The following GALNTL6 variants were observed in gnomAD, a reference collection of about 807,000 sequenced individuals.
GALNTL6 encodes the protein polypeptide N-acetylgalactosaminyltransferase-like 6.
GALNTL6 carries 46 observed loss-of-function variants against 73.7 expected under a neutral mutation model. That is an observed-to-expected ratio of 0.62 (90% CI 0.49 to 0.80). GALNTL6 has a LOEUF of 0.80. Among genes scored for constraint, GALNTL6 ranks in the 30% least tolerant of loss-of-function variants. The pLI is 0.00. For synonymous variants in GALNTL6, 259 were observed against 263.7 expected, an observed-to-expected ratio of 0.98 and a Z score of 0.17; for missense variants, 604 against 755.0, an observed-to-expected ratio of 0.80 and a Z score of 2.34.
At chr4:172,434,718 A>G (rs1731572366) in intron 5 of GALNTL6, among the ~76,000 whole-genome samples, 1 of 152,150 alleles carries the variant, frequency 6.6e-6, no homozygotes. Context: ...GGCAATCACA[A>G]AGAAAAAAAA....
chr4:172,705,251 C>T (rs1734271861), intron 5 of GALNTL6, among the ~76,000 whole-genome samples: 2 of 149,666 alleles, frequency 1.3e-5, no homozygotes, highest in Non-Finnish European at 3.0e-5. Flanking sequence ...TAGCTCCTCT[C>T]ATTCTTCTTT....
chr4:171,971,374 G>C (rs1739564564), intron 2 of GALNTL6, among the ~76,000 whole-genome samples: 1 of 152,170 alleles, frequency 6.6e-6, no homozygotes. Context: ...AGACAGTCCA[G>C]TAACAGTAAA....
chr4:172,702,304 A>C (rs1479462983), intron 5 of GALNTL6, among the ~76,000 whole-genome samples: 1 of 152,048 alleles, frequency 6.6e-6, no homozygotes, highest in Non-Finnish European at 1.5e-5. Flanking sequence ...CTCAATATTT[A>C]TGCCTTCATT....
At position 172,809,312 on chromosome 4, in the gene GALNTL6, G is replaced by A; in HGVS notation, c.554-49G>A. On this transcript the variant is annotated intron_variant, in intron 5 of 12. Coordinates refer to ENST00000506823, the MANE Select transcript of GALNTL6 (RefSeq NM_001034845.3). The surrounding 1 kb of genome is among the most constrained non-coding windows in gnomAD (Gnocchi z 4.4). ...ACAAACAACCGTGAATAATTCAGCT[G>A]CAACTAATGTTTTGCGTTTTTTCTA... is the stretch of plus-strand genomic sequence containing the variant. 6.9e-7 allele frequency: 1 copy of A among 1,443,124 alleles called. No homozygotes were observed. Among genetic ancestry groups the A allele is most frequent in the Non-Finnish European group, 9.7e-7 (1 of 1,031,238 alleles). 89.4% of individuals were successfully genotyped at this position (1,443,124 alleles called of 1,614,324 possible).
intron 2 of GALNTL6, among the ~76,000 whole-genome samples, chr4:171,841,712 A>G: frequency 9.4e-6 from 1 of 105,894 alleles, no homozygotes; most frequent in African/African-American, 2.5e-5. Context: ...AATTATTTAA[A>G]TCAAAATGGT....
intron 4 of GALNTL6, among the ~76,000 whole-genome samples, chr4:172,317,209 A>G (rs1194896706): frequency 6.6e-6 from 1 of 152,206 alleles, no homozygotes; most frequent in Non-Finnish European, 1.5e-5. Context: ...TCAGTGCCTT[A>G]TATTCTAAAT....
At chr4:172,183,268 A>G (rs1284204504) in intron 2 of GALNTL6, among the ~76,000 whole-genome samples, 3 of 152,248 alleles carry the variant, frequency 2.0e-5, no homozygotes, top group Non-Finnish European at 2.9e-5. Flanking sequence ...ATAAAAAACG[A>G]TGAATAACAT....
At chr4:172,981,238 T>C (rs1205021812) in intron 10 of GALNTL6, among the ~76,000 whole-genome samples, 1 of 152,238 alleles carries the variant, frequency 6.6e-6, no homozygotes, top group Non-Finnish European at 1.5e-5. Context: ...CTGCATCATA[T>C]GGTAATTCTG....
intron 5 of GALNTL6, among the ~76,000 whole-genome samples, chr4:172,744,274 T>C (rs1736969525): frequency 6.6e-6 from 1 of 152,148 alleles, no homozygotes; most frequent in Non-Finnish European, 1.5e-5. Flanking sequence ...TTAGGATCAC[T>C]TTAGAGCCAG....
At chr4:171,917,624 A>G (rs1370174029) in intron 2 of GALNTL6, among the ~76,000 whole-genome samples, 3 of 152,106 alleles carry the variant, frequency 2.0e-5, no homozygotes, top group Non-Finnish European at 4.4e-5. Flanking sequence ...ACAGCTTTCT[A>G]TCTGGAGCAA....
At chr4:172,938,474 C>T (rs185038542) in intron 9 of GALNTL6, among the ~76,000 whole-genome samples, 30 of 152,300 alleles carry the variant, frequency 2.0e-4, no homozygotes, top group African/African-American at 2.4e-4. Context: ...AAGATATCAG[C>T]TGAGGAAAAG....
intron 2 of GALNTL6, among the ~76,000 whole-genome samples, chr4:171,870,918 A>T (rs1488238835): frequency 1.3e-5 from 2 of 152,170 alleles, no homozygotes; most frequent in Non-Finnish European, 2.9e-5. Context: ...GTGTTTATTG[A>T]GATAGTAAAT....
rs146407554 is a variant in GALNTL6, at chr4:172,283,545, A to G, written c.248-28069A>G. Among the ~76,000 whole-genome samples the G allele has an allele frequency of 7.9e-5, 12 of 152,270 alleles. No individual in the cohort carries two copies. In the East Asian group the frequency reaches 2.3e-3, roughly 29 times the overall value. On this transcript the variant is annotated intron_variant, in intron 3 of 12. Coordinates refer to ENST00000506823, the MANE Select transcript of GALNTL6 (RefSeq NM_001034845.3). ...CATTTTCCTAAACAGAAGGATGCTA[A>G]ATTAGTGATTTTAACAGAAGTAGAA... is the stretch of plus-strand genomic sequence containing the variant.
intron 3 of GALNTL6, among the ~76,000 whole-genome samples, chr4:172,272,080 G>A (rs1019505887): frequency 9.2e-5 from 14 of 152,154 alleles, no homozygotes; most frequent in African/African-American, 3.4e-4. Context: ...AGCCTCCCGA[G>A]TAGTTGGGAC....
intron 2 of GALNTL6, among the ~76,000 whole-genome samples, chr4:172,078,914 G>T (rs937884647): frequency 6.6e-6 from 1 of 151,946 alleles, no homozygotes; most frequent in African/African-American, 2.4e-5. Flanking sequence ...TTATTGAAAA[G>T]ATGCCTTCCT....
intron 5 of GALNTL6, among the ~76,000 whole-genome samples, chr4:172,776,781 T>C (rs182279413): frequency 2.5e-4 from 38 of 152,334 alleles, no homozygotes; most frequent in African/African-American, 8.2e-4. Flanking sequence ...TCTGTTACTT[T>C]TGGCTTTTAA....
chr4:171,969,124 C>G (rs771907040), intron 2 of GALNTL6, among the ~76,000 whole-genome samples: 4 of 152,058 alleles, frequency 2.6e-5, no homozygotes, highest in Non-Finnish European at 4.4e-5. Context: ...CATGAGCCAC[C>G]GCGCCTGGCC....
At chr4:172,298,366 C>G (rs1438715082) in intron 3 of GALNTL6, among the ~76,000 whole-genome samples, 1 of 152,078 alleles carries the variant, frequency 6.6e-6, no homozygotes, top group Non-Finnish European at 1.5e-5. Context: ...GCCTGATTGC[C>G]CTGGCCAGAA....
chr4:171,834,125 G>C (rs1579494222), intron 2 of GALNTL6, among the ~76,000 whole-genome samples: 2 of 151,920 alleles, frequency 1.3e-5, no homozygotes, highest in Admixed American at 1.3e-4. Context: ...CTGTTTGTAA[G>C]CAGATGCTAT....
Sources: allele counts gnomAD v4.1 joint callset (sites outside exome capture counted in the v4.1 genomes callset), GRCh38; gene constraint gnomAD v4.1.1; non-coding constraint Gnocchi (gnomAD v3.1); transcripts MANE v1.5; gene names NCBI Gene and HGNC (gene_info 2026-07-23, HGNC 2026-07-21).